Variants in TRPS1 observed in about 807,000 individuals in gnomAD.
The protein encoded by TRPS1 is transcriptional repressor GATA binding 1, also known as zinc finger transcription factor Trps1.
TRPS1 carries 6 observed loss-of-function variants against 101.2 expected under a neutral mutation model. The ratio of observed to expected loss-of-function variants is 0.06; its 90% CI spans 0.03 to 0.12. TRPS1 has a LOEUF of 0.12. Among genes scored for constraint, TRPS1 ranks in the 10% least tolerant of loss-of-function variants. The pLI, the probability that TRPS1 is intolerant of heterozygous loss-of-function variation, is 1.00. For synonymous variants in TRPS1, 578 were observed against 589.8 expected (o/e 0.98, Z 0.29); for missense variants, 1,363 against 1,567.0 (o/e 0.87, Z 2.20).
intron 5 of TRPS1, among the ~76,000 whole-genome samples, chr8:115,421,809 G>A (rs72678078): frequency 2.0e-5 from 3 of 152,232 alleles, no homozygotes; most frequent in African/African-American, 4.8e-5. Context: ...GCCCTGACCT[G>A]GTCACACTGT....
chr8:115,449,290 TAAAAA>T (rs771893132), intron 5 of TRPS1, among the ~76,000 whole-genome samples: 1 of 151,186 alleles, frequency 6.6e-6, no homozygotes, highest in African/African-American at 2.4e-5. Flanking sequence ...TCCAGTTCTC[TAAAAA>T]AAAAGATTTT....
intron 5 of TRPS1, among the ~76,000 whole-genome samples, chr8:115,426,516 A>G (rs1017096114): frequency 1.3e-5 from 2 of 151,986 alleles, no homozygotes; most frequent in South Asian, 4.2e-4. Context: ...TTATTTTGGG[A>G]AAAAACAGAA....
intron 5 of TRPS1, among the ~76,000 whole-genome samples, chr8:115,459,706 T>C (rs1208305279): frequency 6.6e-6 from 1 of 152,208 alleles, no homozygotes; most frequent in Non-Finnish European, 1.5e-5. Context: ...TTTCTTTTAA[T>C]GTAGTTAGTT....
chr8:115,667,846 C>T (rs1375034611), intron 1 of TRPS1: 1 of 1,535,396 alleles, frequency 6.5e-7, no homozygotes, highest in African/African-American at 1.4e-5. Flanking sequence ...TGAGACCCTC[C>T]CGACCCTCCC....
At chr8:115,600,123 C>T (rs1264858232) in intron 4 of TRPS1, among the ~76,000 whole-genome samples, 1 of 152,170 alleles carries the variant, frequency 6.6e-6, no homozygotes, top group Non-Finnish European at 1.5e-5. Context: ...TTATTGGCCG[C>T]ATAAATATCT....
At chr8:115,658,427 G>A (rs747307888) in intron 1 of TRPS1, among the ~76,000 whole-genome samples, 11 of 151,992 alleles carry the variant, frequency 7.2e-5, no homozygotes, top group African/African-American at 1.7e-4. Flanking sequence ...TGCAGCAACC[G>A]TTCCTTATGT....
At chr8:115,493,197 C>A (rs1480341101) in intron 5 of TRPS1, among the ~76,000 whole-genome samples, 1 of 152,166 alleles carries the variant, frequency 6.6e-6, no homozygotes, top group Admixed American at 6.5e-5. Flanking sequence ...TTTGAACTTA[C>A]AGGTTTTTAG....
At chr8:115,599,790 A>G (rs1263836151) in intron 4 of TRPS1, among the ~76,000 whole-genome samples, 1 of 152,148 alleles carries the variant, frequency 6.6e-6, no homozygotes, top group East Asian at 1.9e-4. Context: ...GAACAATGGT[A>G]CAATAAACAT....
intron 5 of TRPS1, among the ~76,000 whole-genome samples, chr8:115,508,075 G>A (rs1815491312): frequency 6.6e-6 from 1 of 151,994 alleles, no homozygotes; most frequent in African/African-American, 2.4e-5. Context: ...GAATAGTAAT[G>A]ACCACCTTAA....
intron 1 of TRPS1, among the ~76,000 whole-genome samples, chr8:115,635,911 T>C (rs942456013): frequency 2.6e-5 from 4 of 152,220 alleles, no homozygotes; most frequent in African/African-American, 7.2e-5. Context: ...ATGTATCATA[T>C]GTATTGACAA....
At chr8:115,478,878 T>A (rs1209645958) in intron 5 of TRPS1, among the ~76,000 whole-genome samples, 1 of 145,702 alleles carries the variant, frequency 6.9e-6, no homozygotes, top group Non-Finnish European at 1.5e-5. Context: ...TGTGTAGATG[T>A]GTATATATGT....
intron 4 of TRPS1, among the ~76,000 whole-genome samples, chr8:115,597,618 A>C (rs1817817147): frequency 6.6e-6 from 1 of 152,002 alleles, no homozygotes; most frequent in Admixed American, 6.6e-5. Flanking sequence ...AATTTTGAAA[A>C]ATTTTTTGTG....
chr8:115,555,362 T>C (rs1392029373), intron 5 of TRPS1, among the ~76,000 whole-genome samples: 1 of 100,984 alleles, frequency 9.9e-6, no homozygotes, highest in Admixed American at 1.1e-4. Flanking sequence ...TATTTCAACA[T>C]CTGTTTCTCA....
chr8:115,626,004 G>A (rs16887579), intron 1 of TRPS1, among the ~76,000 whole-genome samples: 13,155 of 151,702 alleles, frequency 0.087, 1,825 homozygotes, highest in African/African-American at 0.29. Context: ...GCCTTAAAAA[G>A]TATGTTTTCT....
chr8:115,622,824 A>T (rs1376196197), intron 2 of TRPS1, among the ~76,000 whole-genome samples: 1 of 152,172 alleles, frequency 6.6e-6, no homozygotes, highest in Non-Finnish European at 1.5e-5. Flanking sequence ...CAAAATGATG[A>T]GAAAATGGTT....
intron 5 of TRPS1, among the ~76,000 whole-genome samples, chr8:115,474,071 T>A (rs1253658533): frequency 6.6e-6 from 1 of 152,184 alleles, no homozygotes; most frequent in Non-Finnish European, 1.5e-5. Context: ...TAGGTTTAGA[T>A]GAAATACTCT....
chr8:115,423,332 G>A (rs1342426715), intron 5 of TRPS1, among the ~76,000 whole-genome samples: 1 of 152,206 alleles, frequency 6.6e-6, no homozygotes, highest in Non-Finnish European at 1.5e-5. Context: ...GGTACAAACA[G>A]TTAACTGCAA....
intron 5 of TRPS1, among the ~76,000 whole-genome samples, chr8:115,586,107 G>A (rs1817555180): frequency 6.6e-6 from 1 of 152,146 alleles, no homozygotes. Context: ...GTAAAGGTTA[G>A]CTGGTTTCTG....
At chr8:115,527,175 G>C (rs1434255575) in intron 5 of TRPS1, among the ~76,000 whole-genome samples, 1 of 151,950 alleles carries the variant, frequency 6.6e-6, no homozygotes, top group African/African-American at 2.4e-5. Context: ...AAAGACTTCA[G>C]CCCTCAGCCT....
Sources: gnomAD v4.1 joint callset for allele counts (sites outside exome capture counted in the v4.1 genomes callset) on GRCh38, gnomAD v4.1.1 for gene constraint, MANE v1.5 for transcripts, NCBI Gene and HGNC (gene_info 2026-07-23, HGNC 2026-07-21) for gene names.